Variants in PTPRG observed in about 807,000 individuals in gnomAD.
PTPRG encodes the protein receptor-type tyrosine-protein phosphatase gamma.
A neutral mutation model predicts 165.3 loss-of-function variants in PTPRG; 102 were observed. That is an observed-to-expected ratio of 0.62 (90% CI 0.53 to 0.73). PTPRG has a LOEUF of 0.73. PTPRG is among the 30% of genes least tolerant of loss of function. The pLI, the probability that PTPRG is intolerant of heterozygous loss-of-function variation, is 0.00. For missense variants in PTPRG, 1,866 were observed against 1,861.4 expected (o/e 1.00, Z -0.05); for synonymous variants, 675 against 669.5 (o/e 1.01, Z -0.13).
chr3:61,674,424 C>T (rs150594234), intron 1 of PTPRG, among the ~76,000 whole-genome samples: 1,449 of 133,818 alleles, frequency 0.011, 22 homozygotes, highest in African/African-American at 0.038. Flanking sequence ...GAGGTGGAGG[C>T]TGCAGTCAGC....
intron 2 of PTPRG, among the ~76,000 whole-genome samples, chr3:61,981,673 T>C (rs2040647037): frequency 6.6e-6 from 1 of 152,210 alleles, no homozygotes; most frequent in Non-Finnish European, 1.5e-5. Flanking sequence ...AGCTGGACTA[T>C]CAACAAATAT....
intron 1 of PTPRG, among the ~76,000 whole-genome samples, chr3:61,669,887 G>T (rs1165172842): frequency 6.6e-6 from 1 of 152,166 alleles, no homozygotes; most frequent in Non-Finnish European, 1.5e-5. Context: ...AATGCAGGTG[G>T]TGATCAGTGT....
At chr3:62,003,273 A>G (rs2041217888) in intron 3 of PTPRG, 76 bp from the exon 4 acceptor site, 2 of 1,497,620 alleles carry the variant, frequency 1.3e-6, no homozygotes, top group Non-Finnish European at 1.8e-6. Flanking sequence ...GGTGAACTTT[A>G]TTAGAAGTAA....
chr3:61,600,139 G>A (rs1488935986), intron 1 of PTPRG, among the ~76,000 whole-genome samples: 24 of 141,534 alleles, frequency 1.7e-4, no homozygotes, highest in African/African-American at 6.1e-4. Context: ...CAGCCTGGGC[G>A]ACAGAGTGAG....
At chr3:62,079,306 C>G (rs192719564) in intron 5 of PTPRG, among the ~76,000 whole-genome samples, 51 of 152,270 alleles carry the variant, frequency 3.3e-4, no homozygotes, top group African/African-American at 1.2e-3. Flanking sequence ...ATTTGAAAAG[C>G]TTGATATTCT....
intron 2 of PTPRG, among the ~76,000 whole-genome samples, chr3:61,908,339 C>T (rs542368261): frequency 2.1e-5 from 3 of 143,748 alleles, no homozygotes; most frequent in African/African-American, 5.2e-5. Context: ...GGTGGGGAAT[C>T]GCTTGAACCT....
intron 1 of PTPRG, among the ~76,000 whole-genome samples, chr3:61,722,964 G>A (rs1413358800): frequency 2.6e-5 from 4 of 152,020 alleles, no homozygotes; most frequent in East Asian, 1.9e-4. Context: ...ATTATTTGTC[G>A]AGTGGGTTTC....
At chr3:62,119,237 C>A (rs996892420) in intron 5 of PTPRG, among the ~76,000 whole-genome samples, 3 of 152,352 alleles carry the variant, frequency 2.0e-5, no homozygotes, top group African/African-American at 7.2e-5. Context: ...TCAGCTGACG[C>A]AACCAGTTGG....
Position 62,259,385 on chromosome 3 carries a change from G to A in PTPRG, c.2560-3413G>A, listed in dbSNP as rs151176833. On this transcript the variant is annotated intron_variant, in intron 16 of 29. Transcript: ENST00000474889. ...GGCCACACATAAAATACACTAATGAGAGCTGATGAGCTAAAAAATTGCAGG... is the reference window on the plus strand; with the variant it reads ...GGCCACACATAAAATACACTAATGAAAGCTGATGAGCTAAAAAATTGCAGG... Among the ~76,000 whole-genome samples, 3 of 152,076 alleles carry A rather than the reference G, an allele frequency of 2.0e-5. No individual in the cohort carries two copies. In the East Asian group the frequency reaches 5.8e-4, roughly 29 times the overall value.
At chr3:62,175,550 A>C (rs1160447979) in intron 8 of PTPRG, among the ~76,000 whole-genome samples, 1 of 152,244 alleles carries the variant, frequency 6.6e-6, no homozygotes, top group Non-Finnish European at 1.5e-5. Context: ...TCCTCAAAAC[A>C]ACCTCTGCCA....
chr3:61,647,655 G>A (rs910973102), intron 1 of PTPRG, among the ~76,000 whole-genome samples: 3 of 152,090 alleles, frequency 2.0e-5, no homozygotes, highest in Non-Finnish European at 4.4e-5. Flanking sequence ...AGCCGGGCGT[G>A]GTGGCAGGCA....
At chr3:61,616,254 G>A (rs144266825) in intron 1 of PTPRG, among the ~76,000 whole-genome samples, 1 of 152,254 alleles carries the variant, frequency 6.6e-6, no homozygotes, top group Non-Finnish European at 1.5e-5. Context: ...GCCCGGCTGA[G>A]AATGGTATTT....
At chr3:61,879,863 A>G (rs970444199) in intron 2 of PTPRG, among the ~76,000 whole-genome samples, 7 of 152,198 alleles carry the variant, frequency 4.6e-5, no homozygotes, top group African/African-American at 9.7e-5. Context: ...TCAGCTCCGT[A>G]TGGTGCTTTG....
intron 1 of PTPRG, among the ~76,000 whole-genome samples, chr3:61,646,430 T>C (rs1702203327): frequency 6.6e-6 from 1 of 152,154 alleles, no homozygotes; most frequent in Non-Finnish European, 1.5e-5. Flanking sequence ...TAATTCTTAA[T>C]TGAACTGCCT....
intron 2 of PTPRG, among the ~76,000 whole-genome samples, chr3:61,762,217 A>C (rs558094759): frequency 6.6e-6 from 1 of 152,162 alleles, no homozygotes; most frequent in South Asian, 2.1e-4. Flanking sequence ...ACATTCTTAT[A>C]CCATTTCCTA....
At chr3:61,977,319 A>G (rs966300885) in intron 2 of PTPRG, among the ~76,000 whole-genome samples, 1 of 152,072 alleles carries the variant, frequency 6.6e-6, no homozygotes, top group Non-Finnish European at 1.5e-5. Context: ...TTCAGAGTTC[A>G]TTGAGAATGT....
At chr3:61,622,095 T>C (rs921308343) in intron 1 of PTPRG, among the ~76,000 whole-genome samples, 7 of 152,216 alleles carry the variant, frequency 4.6e-5, no homozygotes, top group Non-Finnish European at 8.8e-5. Context: ...ACTTAGGTGT[T>C]CTTTTACTTT....
intron 2 of PTPRG, among the ~76,000 whole-genome samples, chr3:61,848,181 C>G (rs2036858744): frequency 1.3e-5 from 2 of 152,226 alleles, no homozygotes; most frequent in Non-Finnish European, 2.9e-5. Context: ...TGCTACAGGA[C>G]TGGCAGTGAA....
intron 2 of PTPRG, among the ~76,000 whole-genome samples, chr3:61,911,848 G>A (rs188290674): frequency 7.2e-5 from 11 of 152,214 alleles, no homozygotes; most frequent in African/African-American, 2.4e-4. Flanking sequence ...TGTTTATCTA[G>A]AGCTCTACCA....
Sources: allele counts gnomAD v4.1 joint callset (sites outside exome capture counted in the v4.1 genomes callset), GRCh38; gene constraint gnomAD v4.1.1; transcripts MANE v1.5; gene names NCBI Gene and HGNC (gene_info 2026-07-23, HGNC 2026-07-21).